Variants in TET1 observed in about 807,000 individuals in gnomAD.
The protein encoded by TET1 is tet methylcytosine dioxygenase 1.
A neutral mutation model predicts 148.7 loss-of-function variants in TET1; 13 were observed. That is an observed-to-expected ratio of 0.09 (90% CI 0.06 to 0.14). The LOEUF is 0.14. Ranked by LOEUF, TET1 falls within the 10% of genes least tolerant of loss-of-function variation. The pLI, the probability that TET1 is intolerant of heterozygous loss-of-function variation, is 1.00. For synonymous variants in TET1, 907 were observed against 937.2 expected (o/e 0.97, Z 0.59); for missense variants, 2,182 against 2,553.8 (o/e 0.85, Z 3.14).
intron 2 of TET1, among the ~76,000 whole-genome samples, chr10:68,599,477 T>G (rs951339509): frequency 3.9e-5 from 6 of 152,126 alleles, no homozygotes; most frequent in African/African-American, 1.4e-4. Context: ...AGAGGGGTCG[T>G]GGGGGGCACG....
chr10:68,675,067 G>T, intron 8 of TET1: 1 of 557,216 alleles, frequency 1.8e-6, no homozygotes, highest in South Asian at 1.9e-5. Flanking sequence ...AAAGTAGAAC[G>T]AGCTGATGGA....
intron 3 of TET1, among the ~76,000 whole-genome samples, chr10:68,636,431 G>A (rs143635742): frequency 1.8e-4 from 28 of 152,240 alleles, no homozygotes; most frequent in African/African-American, 6.7e-4. Flanking sequence ...TCTCGTTTGG[G>A]GTAGGAATGA....
intron 7 of TET1, among the ~76,000 whole-genome samples, chr10:68,671,907 C>T (rs1178281077): frequency 6.6e-6 from 1 of 151,972 alleles, no homozygotes; most frequent in Non-Finnish European, 1.5e-5. Flanking sequence ...CTGTGCCAGG[C>T]TATTTTTTGT....
At chr10:68,671,830 G>A (rs970726611) in intron 7 of TET1, among the ~76,000 whole-genome samples, 3 of 151,986 alleles carry the variant, frequency 2.0e-5, no homozygotes, top group Non-Finnish European at 4.4e-5. Context: ...ACCCAGGCTG[G>A]AGTGCCATGG....
chr10:68,684,317 G>C (rs1793551120), intron 10 of TET1, among the ~76,000 whole-genome samples: 1 of 150,920 alleles, frequency 6.6e-6, no homozygotes. Flanking sequence ...TCAACAGGCA[G>C]TCTTTCTTCC....
Position 68,590,042 on chromosome 10 carries a change from A to G in TET1, c.1915-10939A>G, listed in dbSNP as rs138420640. 1.2e-3 allele frequency among the ~76,000 whole-genome samples: 186 copies of G among 152,304 alleles called. 1 individual carries two copies. The East Asian group carries it at 0.034, about 28-fold the overall frequency. ...TTACGTGTACACTGTTTTCTTAATT[A>G]GTGGCAGCCATGGTTCTCCATTGCT... On this transcript the variant is annotated intron_variant, in intron 2 of 11. Transcript: ENST00000373644.
chr10:68,633,542 T>A (rs2054608423), intron 3 of TET1, among the ~76,000 whole-genome samples: 1 of 152,030 alleles, frequency 6.6e-6, no homozygotes, highest in South Asian at 2.1e-4. Flanking sequence ...TCACCATGCC[T>A]GGCTAATTTT....
intron 2 of TET1, among the ~76,000 whole-genome samples, chr10:68,598,392 A>G (rs2054011573): frequency 6.6e-6 from 1 of 152,268 alleles, no homozygotes; most frequent in African/African-American, 2.4e-5. Flanking sequence ...TCTCCAAAAA[A>G]ATAGTTAAAA....
intron 8 of TET1, 65 bp from the exon 9 acceptor site, chr10:68,681,334 C>A: frequency 1.0e-6 from 1 of 984,538 alleles, no homozygotes; most frequent in Non-Finnish European, 1.6e-6. Flanking sequence ...ATTTATGATT[C>A]AGTTGTACCT....
chr10:68,690,985 C>T lies in TET1; in HGVS notation c.5582C>T (p.Pro1861Leu). The change falls in exon 12 of 12, where the codon CCA becomes CTA. Residue 1861 changes from proline (P) to leucine (L), a missense_variant. Pro to Leu is a moderately conservative substitution (Grantham distance 98). Transcript: ENST00000373644. ...SPKTASATPAPLKNDATASCG... is the reference protein window; with the variant it reads ...SPKTASATPALLKNDATASCG... ...AAGACTGCTTCAGCCACACCAGCTC[C>T]ACTGAAGAATGACGCAACAGCCTCA... 6.2e-7 allele frequency: 1 copy of T among 1,614,222 alleles called. No individual in the cohort carries two copies. Among genetic ancestry groups the T allele is most frequent in the Non-Finnish European group, 8.5e-7 (1 of 1,180,038 alleles).
intron 6 of TET1, among the ~76,000 whole-genome samples, chr10:68,666,805 C>T (rs987400497): frequency 9.2e-5 from 14 of 151,928 alleles, no homozygotes; most frequent in African/African-American, 3.4e-4. Flanking sequence ...AAAATATGGC[C>T]GGGCATGGAG....
At chr10:68,630,343 G>T (rs1220455800) in intron 3 of TET1, among the ~76,000 whole-genome samples, 1 of 152,156 alleles carries the variant, frequency 6.6e-6, no homozygotes, top group African/African-American at 2.4e-5. Context: ...ACGGAGTGTC[G>T]CTCTGTTGCC....
rs760021546 is a variant in TET1 at position 68,573,790 on chromosome 10, GAAA to G, written c.1455_1457del (p.Lys485del). On this transcript the variant is annotated inframe_deletion, in exon 2 of 12. Transcript: ENST00000373644. Reference sequence around the variant, plus strand: ...CTCCTCAATCATCATCAAACTCAGAGAAAAATTCATTACCTCCAGTAATGGCTA... The same window carrying G: ...CTCCTCAATCATCATCAAACTCAGAGAATTCATTACCTCCAGTAATGGCTA... The G allele has an allele frequency of 6.2e-7, 1 of 1,613,924 alleles. No individual in the cohort carries two copies. Among genetic ancestry groups the G allele is most frequent in the South Asian group, 1.1e-5 (1 of 91,080 alleles).
chr10:68,664,775 T>G (rs2055174154), intron 6 of TET1, among the ~76,000 whole-genome samples: 1 of 149,386 alleles, frequency 6.7e-6, no homozygotes, highest in Admixed American at 6.8e-5. Flanking sequence ...CCTTCTTTAT[T>G]TTTTTATTTT....
intron 6 of TET1, among the ~76,000 whole-genome samples, chr10:68,654,487 C>T (rs1457503592): frequency 8.6e-5 from 13 of 151,280 alleles, no homozygotes; most frequent in East Asian, 2.0e-4. Context: ...CGTGGTGGCG[C>T]GAGCCTATAG....
In TET1 at chr10:68,646,332, T is replaced by C; in HGVS notation, c.3603T>C (p.Phe1201=). Residue 1201 remains phenylalanine (F), a synonymous_variant, in exon 4 of 12, where the codon TTT becomes TTC. Coordinates refer to ENST00000373644, the MANE Select transcript of TET1 (RefSeq NM_030625.3). ...IASKFQNFGQ[F]CPHDFPTVFG... The stretch of plus-strand genomic sequence containing the variant: ...CGAAATTTCAAAATTTTGGGCAATT[T>C]TGTCCACATGATTTTCCTACTGTAT... The C allele has an allele frequency of 6.2e-7, 1 of 1,614,168 alleles. No individual in the cohort carries two copies. The highest frequency in any genetic ancestry group is 8.5e-7 in the Non-Finnish European group (1 of 1,180,026).
At chr10:68,668,612 G>A (rs1051980940) in intron 7 of TET1, among the ~76,000 whole-genome samples, 21 of 152,136 alleles carry the variant, frequency 1.4e-4, no homozygotes. Context: ...ACGGAGTCTC[G>A]CTCTGTCACC....
intron 3 of TET1, among the ~76,000 whole-genome samples, chr10:68,641,704 T>C (rs773137601): frequency 3.3e-5 from 5 of 152,004 alleles, no homozygotes; most frequent in Non-Finnish European, 5.9e-5. Context: ...GGTTTCACCA[T>C]ATTGGTCAAG....
chr10:68,590,632 G>C (rs1388563545), intron 2 of TET1, among the ~76,000 whole-genome samples: 1 of 151,672 alleles, frequency 6.6e-6, no homozygotes, highest in African/African-American at 2.4e-5. Context: ...TTTGAGACCA[G>C]CCTGGGCAAC....
Sources: gnomAD v4.1 joint callset for allele counts (sites outside exome capture counted in the v4.1 genomes callset) on GRCh38, gnomAD v4.1.1 for gene constraint, MANE v1.5 for transcripts, NCBI Gene and HGNC (gene_info 2026-07-23, HGNC 2026-07-21) for gene names.